WASF3: variants seen among roughly 807,000 people sequenced by gnomAD.
WASF3 encodes the protein actin-binding protein WASF3.
WASF3 carries 11 observed loss-of-function variants against 46.6 expected under a neutral mutation model. The ratio of observed to expected loss-of-function variants is 0.24; its 90% CI spans 0.15 to 0.39. The LOEUF (loss-of-function observed/expected upper bound fraction) is 0.39. Ranked by LOEUF, WASF3 falls within the 10% of genes least tolerant of loss-of-function variation. The pLI, the probability that WASF3 is intolerant of heterozygous loss-of-function variation, is 1.00. For missense variants in WASF3, 576 were observed against 669.8 expected, an observed-to-expected ratio of 0.86 and a Z score of 1.55; for synonymous variants, 242 against 259.7, an observed-to-expected ratio of 0.93 and a Z score of 0.65.
At chr13:26,626,151 A>T (rs899912391) in intron 2 of WASF3, 1 of 152,266 alleles carries the variant, frequency 6.6e-6, no homozygotes, top group Non-Finnish European at 1.5e-5. Context: ...ATTGGGTTCA[A>T]CTCTGAATAC....
At chr13:26,633,547 GCTTCTTGCTT>G (rs1881723860) in intron 2 of WASF3, among the ~76,000 whole-genome samples, 1 of 152,050 alleles carries the variant, frequency 6.6e-6, no homozygotes, top group South Asian at 2.1e-4. Context: ...TGAATTTGTT[GCTTCTTGCTT>G]CTCTAGTTCT....
At chr13:26,577,832 A>G (rs531646769) in intron 1 of WASF3, among the ~76,000 whole-genome samples, 5 of 152,344 alleles carry the variant, frequency 3.3e-5, no homozygotes, top group Non-Finnish European at 5.9e-5. Flanking sequence ...CAATTTAATC[A>G]TGTGTATAGG....
chr13:26,666,190 C>CA lies in WASF3; in HGVS notation c.268+1030dup, dbSNP rs541411254. ...TATAGAAGCATTCTTACTTTTCCAA[C>CA]AATAAGTATTAGTTGGTCTGTTCAG... On this transcript the variant is annotated intron_variant, in intron 4 of 9. Transcript: ENST00000335327. 8.5e-4 allele frequency among the ~76,000 whole-genome samples: 130 copies of CA among 152,264 alleles called. 1 individual carries two copies. Among genetic ancestry groups the CA allele is most frequent in the African/African-American group, 3.0e-3 (126 of 41,562 alleles).
chr13:26,681,348 C>G, intron 8 of WASF3, 28 bp downstream of exon 8: 1 of 1,519,972 alleles, frequency 6.6e-7, no homozygotes, highest in East Asian at 2.3e-5. Flanking sequence ...GTACCCTAAT[C>G]CCTCCTGGCC....
At chr13:26,658,427 C>G (rs9512310) in intron 3 of WASF3, among the ~76,000 whole-genome samples, 2 of 151,966 alleles carry the variant, frequency 1.3e-5, no homozygotes, top group Non-Finnish European at 2.9e-5. Flanking sequence ...AACAGTAGTT[C>G]TGAAAGATGT....
chr13:26,641,640 A>G (rs1177707826), intron 2 of WASF3, among the ~76,000 whole-genome samples: 1 of 152,186 alleles, frequency 6.6e-6, no homozygotes, highest in Non-Finnish European at 1.5e-5. Flanking sequence ...GAGTTGGTCA[A>G]CAGGGAACAG....
intron 2 of WASF3, among the ~76,000 whole-genome samples, chr13:26,634,513 A>G (rs1046693509): frequency 6.6e-6 from 1 of 152,176 alleles, no homozygotes; most frequent in Non-Finnish European, 1.5e-5. Flanking sequence ...TTATGTGACA[A>G]TTTGATCCTG....
intron 6 of WASF3, among the ~76,000 whole-genome samples, chr13:26,675,122 C>T (rs1203535197): frequency 6.6e-6 from 1 of 151,962 alleles, no homozygotes; most frequent in Non-Finnish European, 1.5e-5. Context: ...CACTTGTGTC[C>T]CTATCTTCCC....
chr13:26,667,742 AT>A, intron 5 of WASF3, 72 bp downstream of exon 5: 1 of 1,464,122 alleles, frequency 6.8e-7, no homozygotes, highest in Middle Eastern at 1.8e-4. Context: ...GAGCAAGCTG[AT>A]GCATTGTGTG....
chr13:26,656,085 G>A (rs946226502), intron 3 of WASF3, among the ~76,000 whole-genome samples: 1 of 151,940 alleles, frequency 6.6e-6, no homozygotes, highest in African/African-American at 2.4e-5. Context: ...CTGCTCTTTT[G>A]TTCCCCAGAA....
At chr13:26,642,972 T>C (rs1882044299) in intron 3 of WASF3, among the ~76,000 whole-genome samples, 1 of 152,208 alleles carries the variant, frequency 6.6e-6, no homozygotes, top group Admixed American at 6.5e-5. Context: ...GGTTATTTTA[T>C]GTATATGGTA....
chr13:26,601,364 A>G (rs1306938747), intron 1 of WASF3, among the ~76,000 whole-genome samples: 1 of 151,042 alleles, frequency 6.6e-6, no homozygotes, highest in South Asian at 2.1e-4. Context: ...TTTACTTTGT[A>G]TGTGGAGTTC....
intron 1 of WASF3, among the ~76,000 whole-genome samples, chr13:26,599,118 T>A (rs1323207213): frequency 1.3e-5 from 2 of 151,458 alleles, no homozygotes; most frequent in Non-Finnish European, 2.9e-5. Context: ...CGTCTTGGTC[T>A]CCCAAAGTGC....
chr13:26,559,222 T>A (rs1195752634), intron 1 of WASF3, among the ~76,000 whole-genome samples: 3 of 152,226 alleles, frequency 2.0e-5, no homozygotes, highest in Admixed American at 2.0e-4. Context: ...CTTGAAAGAT[T>A]TTCTTAGTTG....
chr13:26,582,701 C>T (rs1456815200), intron 1 of WASF3, among the ~76,000 whole-genome samples: 2 of 82,728 alleles, frequency 2.4e-5, no homozygotes, highest in African/African-American at 9.4e-5. Context: ...AAAAAAAAAG[C>T]CTACCTCACA....
intron 1 of WASF3, among the ~76,000 whole-genome samples, chr13:26,578,656 C>T (rs1200006340): frequency 2.0e-5 from 3 of 152,092 alleles, no homozygotes; most frequent in African/African-American, 7.2e-5. Context: ...CTTCTTTCTC[C>T]CTCTCCCTCC....
intron 2 of WASF3, among the ~76,000 whole-genome samples, chr13:26,621,976 CACTCT>C (rs1467034131): frequency 1.3e-5 from 2 of 152,156 alleles, no homozygotes; most frequent in Non-Finnish European, 2.9e-5. Context: ...AGCATTGTGT[CACTCT>C]ACTCTATGGG....
chr13:26,640,073 G>C (rs1032441832), intron 2 of WASF3, among the ~76,000 whole-genome samples: 1 of 152,004 alleles, frequency 6.6e-6, no homozygotes, highest in African/African-American at 2.4e-5. Context: ...GGATTGGTTG[G>C]TTTGCATTTT....
intron 1 of WASF3, among the ~76,000 whole-genome samples, chr13:26,580,392 T>C (rs1802101498): frequency 6.6e-6 from 1 of 152,190 alleles, no homozygotes; most frequent in African/African-American, 2.4e-5. Flanking sequence ...TCAGTTGTTT[T>C]TCAGAAACAC....
Sources: gnomAD v4.1 joint callset for allele counts (sites outside exome capture counted in the v4.1 genomes callset) on GRCh38, gnomAD v4.1.1 for gene constraint, MANE v1.5 for transcripts, NCBI Gene and HGNC (gene_info 2026-07-23, HGNC 2026-07-21) for gene names.